The following PSMA8 variants were observed in gnomAD, a reference collection of about 807,000 sequenced individuals.
PSMA8 encodes the protein proteasome subunit alpha-type 8.
PSMA8 carries 18 observed loss-of-function variants against 32.4 expected under a neutral mutation model. That is an observed-to-expected ratio of 0.56 (90% confidence interval 0.38 to 0.82). The LOEUF (loss-of-function observed/expected upper bound fraction) is 0.82. PSMA8 is among the 40% of genes least tolerant of loss of function. The pLI, the probability that PSMA8 is intolerant of heterozygous loss-of-function variation, is 0.00. For missense variants in PSMA8, 298 were observed against 300.7 expected, an observed-to-expected ratio of 0.99 and a Z score of 0.07; for synonymous variants, 104 against 98.1, an observed-to-expected ratio of 1.06 and a Z score of -0.36.
intron 2 of PSMA8, among the ~76,000 whole-genome samples, chr18:26,149,523 G>A (rs1252214277): frequency 2.6e-5 from 4 of 152,168 alleles, no homozygotes; most frequent in Non-Finnish European, 5.9e-5. Context: ...TCTTGTTTTT[G>A]AAAGCTACTA....
Position 26,134,888 on chromosome 18 carries a change from A to C in PSMA8, c.102+821A>C, listed in dbSNP as rs540016548. Reference sequence around the variant, plus strand: ...AGAATCGCTTGAACCTGGGAGGCAGAGGTTGCGGTGAGCCGAGATCGTGCC... The same window carrying C: ...AGAATCGCTTGAACCTGGGAGGCAGCGGTTGCGGTGAGCCGAGATCGTGCC... On this transcript the variant is annotated intron_variant, in intron 1 of 6. Transcript: ENST00000415576. Among the ~76,000 whole-genome samples the C allele has an allele frequency of 2.0e-5, 3 of 151,746 alleles. No homozygotes were observed. In the East Asian group the frequency reaches 5.8e-4, roughly 30 times the overall value.
At position 26,188,775 on chromosome 18, in the gene PSMA8, TGG is replaced by T. The variant is rs1388547955; in HGVS notation, c.661-3543_661-3542del. On this transcript the variant is annotated intron_variant, in intron 6 of 6. Coordinates refer to ENST00000415576, the MANE Select transcript of PSMA8 (RefSeq NM_001025096.2). ...CTTCAATAAAGGATGCTGGGAAAAC[TGG>T]ATATCCATATGCAGAAGAATGAAAC... Among the ~76,000 whole-genome samples, 5 of 152,084 alleles carry T rather than the reference TGG, an allele frequency of 3.3e-5. No individual in the cohort carries two copies. The East Asian group carries it at 9.6e-4, about 29-fold the overall frequency.
At chr18:26,162,212 C>T (rs12964768) in intron 4 of PSMA8, among the ~76,000 whole-genome samples, 7,943 of 152,098 alleles carry the variant, frequency 0.052, 229 homozygotes, top group East Asian at 0.12. Context: ...ATATACAGTA[C>T]GTTATTAATA....
chr18:26,135,471 A>G (rs2054904318), intron 1 of PSMA8, among the ~76,000 whole-genome samples: 3 of 152,130 alleles, frequency 2.0e-5, no homozygotes, highest in Admixed American at 6.5e-5. Flanking sequence ...AAAAAACACT[A>G]GAAGAAGAAT....
chr18:26,156,720 A>G (rs2055092746), intron 3 of PSMA8, among the ~76,000 whole-genome samples: 1 of 148,488 alleles, frequency 6.7e-6, no homozygotes, highest in South Asian at 2.1e-4. Context: ...TATACAATAT[A>G]TATACAGTGT....
intron 6 of PSMA8, among the ~76,000 whole-genome samples, chr18:26,182,152 A>T (rs1393901468): frequency 6.6e-6 from 1 of 152,242 alleles, no homozygotes; most frequent in East Asian, 1.9e-4. Flanking sequence ...CCTTCATAAC[A>T]TAAAGGTGCA....
intron 4 of PSMA8, among the ~76,000 whole-genome samples, chr18:26,173,918 G>A (rs1260261922): frequency 6.6e-6 from 1 of 151,838 alleles, no homozygotes; most frequent in Non-Finnish European, 1.5e-5. Context: ...TATACAAGGT[G>A]GTCATACGTT....
At position 26,192,928 on chromosome 18, in the gene PSMA8, T is replaced by C. The variant is rs1222714462; in HGVS notation, c.*517T>C. 1 of 152,146 alleles carries C rather than the reference T, an allele frequency of 6.6e-6. No individual in the cohort carries two copies. Among genetic ancestry groups the C allele is most frequent in the Non-Finnish European group, 1.5e-5 (1 of 68,014 alleles). 9.4% of individuals were successfully genotyped at this position (152,146 alleles called of 1,614,324 possible). A position where few individuals can be genotyped will look rare whatever the true frequency, so the allele number is the denominator to read the frequency against. On this transcript the variant is annotated 3_prime_UTR_variant, in exon 7 of 7. Transcript: ENST00000415576. The stretch of plus-strand genomic sequence containing the variant: ...TTTTGTTATTTTTATTTTACCTTTT[T>C]CATTTTACAATATTTCGTTATTTTT...
At chr18:26,163,770 G>A (rs1360861905) in intron 4 of PSMA8, among the ~76,000 whole-genome samples, 1 of 152,130 alleles carries the variant, frequency 6.6e-6, no homozygotes, top group East Asian at 1.9e-4. Context: ...TACATATTGG[G>A]ATAACACAAT....
chr18:26,163,158 A>T (rs552956065), intron 4 of PSMA8, among the ~76,000 whole-genome samples: 9 of 147,732 alleles, frequency 6.1e-5, no homozygotes, highest in Non-Finnish European at 1.2e-4. Context: ...GAGGACAGAC[A>T]ATATAAAAAT....
intron 4 of PSMA8, among the ~76,000 whole-genome samples, chr18:26,165,116 G>T (rs1228017811): frequency 6.6e-6 from 1 of 152,022 alleles, no homozygotes; most frequent in Non-Finnish European, 1.5e-5. Context: ...CACGCTGTTG[G>T]CAGGCTGCTC....
At chr18:26,156,533 T>G (rs1292233311) in intron 3 of PSMA8, among the ~76,000 whole-genome samples, 1 of 152,002 alleles carries the variant, frequency 6.6e-6, no homozygotes, top group Non-Finnish European at 1.5e-5. Flanking sequence ...TGGAGGACAT[T>G]GTGTTATGTA....
intron 1 of PSMA8, among the ~76,000 whole-genome samples, chr18:26,140,609 G>A (rs1172193954): frequency 2.0e-5 from 3 of 152,166 alleles, no homozygotes; most frequent in Non-Finnish European, 4.4e-5. Flanking sequence ...TCTTGCTGAT[G>A]TCATATTGTT....
intron 4 of PSMA8, among the ~76,000 whole-genome samples, chr18:26,163,500 G>T (rs1193796593): frequency 2.0e-5 from 3 of 152,084 alleles, no homozygotes; most frequent in Non-Finnish European, 4.4e-5. Context: ...ATTATAGCTA[G>T]ATTTCTATGC....
intron 4 of PSMA8, among the ~76,000 whole-genome samples, chr18:26,163,215 A>G (rs9955445): frequency 0.29 from 1,996 of 6,784 alleles, 89 homozygotes; most frequent in South Asian, 0.38. Flanking sequence ...GTGTGTGTGT[A>G]TATATATATA....
At chr18:26,134,170 G>A in intron 1 of PSMA8, 103 bp downstream of exon 1, 1 of 784,440 alleles carries the variant, frequency 1.3e-6, no homozygotes, top group Non-Finnish European at 2.2e-6. Flanking sequence ...CTCAAGAGAG[G>A]AGATTCCCAC....
At chr18:26,174,598 T>C (rs1306374940) in intron 4 of PSMA8, among the ~76,000 whole-genome samples, 3 of 152,228 alleles carry the variant, frequency 2.0e-5, no homozygotes, top group Non-Finnish European at 2.9e-5. Flanking sequence ...CCCACCTGCA[T>C]AGACTTAAGC....
At chr18:26,165,759 A>T (rs1369956347) in intron 4 of PSMA8, among the ~76,000 whole-genome samples, 1 of 152,162 alleles carries the variant, frequency 6.6e-6, no homozygotes, top group African/African-American at 2.4e-5. Flanking sequence ...ATCTACCCAG[A>T]TGATTCATTT....
At chr18:26,155,189 C>T (rs2055079078) in intron 3 of PSMA8, among the ~76,000 whole-genome samples, 1 of 151,908 alleles carries the variant, frequency 6.6e-6, no homozygotes, top group African/African-American at 2.4e-5. Context: ...AAGCCAAGAT[C>T]ATACCACCAT....
Sources: gnomAD v4.1 joint callset for allele counts (sites outside exome capture counted in the v4.1 genomes callset) on GRCh38, gnomAD v4.1.1 for gene constraint, MANE v1.5 for transcripts, NCBI Gene and HGNC (gene_info 2026-07-23, HGNC 2026-07-21) for gene names.